SGCD: variants seen among roughly 807,000 people sequenced by gnomAD.
SGCD encodes the protein delta-sarcoglycan.
A neutral mutation model predicts 36.6 loss-of-function variants in SGCD; 18 were observed. The ratio of observed to expected loss-of-function variants is 0.49; its 90% CI spans 0.34 to 0.73. SGCD has a LOEUF of 0.73. Among genes scored for constraint, SGCD ranks in the 30% least tolerant of loss-of-function variants. The probability of loss-of-function intolerance (pLI) is 0.01; values close to 1 mark genes in which losing one functional copy is unlikely to be tolerated. For missense variants in SGCD, 387 were observed against 346.7 expected (o/e 1.12, Z -0.92); for synonymous variants, 133 against 130.6 (o/e 1.02, Z -0.12).
chr5:156,304,527 C>T (rs1420819403), intron 3 of SGCD, among the ~76,000 whole-genome samples: 1 of 152,172 alleles, frequency 6.6e-6, no homozygotes, highest in Non-Finnish European at 1.5e-5. Context: ...TCCATTAAAC[C>T]TTTTTGTTTT....
chr5:156,347,246 A>T (rs1045198032), intron 3 of SGCD, among the ~76,000 whole-genome samples: 1 of 152,170 alleles, frequency 6.6e-6, no homozygotes, highest in Non-Finnish European at 1.5e-5. Context: ...GCTCTGGAGG[A>T]TGCCTTGGGT....
intron 3 of SGCD, among the ~76,000 whole-genome samples, chr5:156,132,181 T>C (rs2436423): frequency 0.3 from 45,596 of 151,888 alleles, 7,481 homozygotes; most frequent in Non-Finnish European, 0.37. Context: ...GGTGGGGAGA[T>C]GGGTGACTTG....
intron 1 of SGCD, among the ~76,000 whole-genome samples, chr5:155,951,588 A>G (rs1757549977): frequency 6.6e-6 from 1 of 152,196 alleles, no homozygotes; most frequent in Admixed American, 6.5e-5. Flanking sequence ...AGGTGTGCTC[A>G]TGTGAAAATT....
At chr5:156,567,408 AGATAGATAGATAGATAGATAGATG>A (rs1407126499) in intron 4 of SGCD, among the ~76,000 whole-genome samples, 1 of 148,352 alleles carries the variant, frequency 6.7e-6, no homozygotes, top group Non-Finnish European at 1.5e-5. Flanking sequence ...ATAGATAGAT[AGATAGATAGATAGATAGATAGATG>A]GTAGCTCATG....
At chr5:155,838,467 T>A in the SGCD span, among the ~76,000 whole-genome samples, 1 of 152,116 alleles carries the variant, frequency 6.6e-6, no homozygotes, top group African/African-American at 2.4e-5. Context: ...TGATGATATA[T>A]TTTGCCCCCG....
intron 4 of SGCD, among the ~76,000 whole-genome samples, chr5:156,526,388 G>A (rs896600436): frequency 5.9e-5 from 9 of 152,152 alleles, no homozygotes; most frequent in African/African-American, 1.7e-4. Flanking sequence ...TGAAGGCTAT[G>A]ATGGCTTCTC....
chr5:156,118,558 C>A (rs892538926), intron 2 of SGCD, among the ~76,000 whole-genome samples: 7 of 152,214 alleles, frequency 4.6e-5, no homozygotes, highest in South Asian at 4.1e-4. Context: ...CAGCAAAGCC[C>A]AACCCATGTT....
intron 3 of SGCD, among the ~76,000 whole-genome samples, chr5:156,424,414 C>T (rs143364332): frequency 1.4e-3 from 216 of 152,108 alleles, no homozygotes; most frequent in African/African-American, 4.8e-3. Context: ...TGAATGTCCT[C>T]GTTCATAAAC....
Position 155,909,316 on chromosome 5 carries a change from C to T in SGCD, c.-282+38892C>T, listed in dbSNP as rs114537362. ...TAGTTGGTTTGCTTAATAAATATTT[C>T]GAAGATGGAAAATATGCATTTTCTA... On this transcript the variant is annotated intron_variant, in intron 1 of 9. Transcript: ENST00000517913. Among the ~76,000 whole-genome samples the T allele has an allele frequency of 3.6e-3, 542 of 152,138 alleles. 2 individuals carry two copies. Among genetic ancestry groups the T allele is most frequent in the African/African-American group, 0.012 (505 of 41,526 alleles).
chr5:155,961,432 G>A (rs143773986), intron 1 of SGCD, among the ~76,000 whole-genome samples: 1 of 152,192 alleles, frequency 6.6e-6, no homozygotes, highest in East Asian at 1.9e-4. Flanking sequence ...AATTTTAAAT[G>A]TCTCATGAAA....
chr5:155,877,468 T>C (rs1374125066), intron 1 of SGCD, among the ~76,000 whole-genome samples: 2 of 152,142 alleles, frequency 1.3e-5, no homozygotes, highest in African/African-American at 4.8e-5. Context: ...TCCCTGTGCC[T>C]CATTTTCCTC....
At chr5:156,539,490 A>T (rs1479837538) in intron 4 of SGCD, among the ~76,000 whole-genome samples, 1 of 151,950 alleles carries the variant, frequency 6.6e-6, no homozygotes, top group East Asian at 1.9e-4. Flanking sequence ...GCTCCCACTT[A>T]TAAGTGAGGA....
At chr5:155,797,385 A>G in the SGCD span, among the ~76,000 whole-genome samples, 1 of 152,378 alleles carries the variant, frequency 6.6e-6, no homozygotes, top group South Asian at 2.1e-4. Flanking sequence ...AAGGCTGAGA[A>G]CCTAGGTATT....
the SGCD span, among the ~76,000 whole-genome samples, chr5:155,770,922 G>A: frequency 2.6e-5 from 4 of 152,034 alleles, no homozygotes; most frequent in South Asian, 2.1e-4. Flanking sequence ...AAAAACAGAC[G>A]TGATCTCTCT....
intron 6 of SGCD, among the ~76,000 whole-genome samples, chr5:156,608,777 T>G (rs1034686494): frequency 6.6e-6 from 1 of 152,194 alleles, no homozygotes; most frequent in Non-Finnish European, 1.5e-5. Context: ...CTTGTTGAAT[T>G]GATCCCTTTA....
rs143925216 is a variant in SGCD at position 156,578,703 on chromosome 5, G to A, written c.295-10528G>A. 3.4e-3 allele frequency among the ~76,000 whole-genome samples: 520 copies of A among 152,320 alleles called. 2 individuals are homozygous for A. The highest frequency in any genetic ancestry group is 0.012 in the African/African-American group (481 of 41,572). On this transcript the variant is annotated intron_variant, in intron 4 of 8. Coordinates refer to ENST00000337851, the MANE Select transcript of SGCD (RefSeq NM_000337.6). The stretch of plus-strand genomic sequence containing the variant: ...CTAGATTTTCTGGTTTATTTGTGTA[G>A]AAGTGTTTATAGTATTCTCTGATGG...
intron 4 of SGCD, among the ~76,000 whole-genome samples, chr5:156,556,234 A>G (rs1759016590): frequency 6.6e-6 from 1 of 151,984 alleles, no homozygotes; most frequent in Non-Finnish European, 1.5e-5. Context: ...GTTCCCTATT[A>G]GAGCAGAGAA....
intron 3 of SGCD, among the ~76,000 whole-genome samples, chr5:156,287,627 T>TTG (rs70982002): frequency 0.18 from 26,872 of 146,180 alleles, 2,314 homozygotes; most frequent in East Asian, 0.27. Flanking sequence ...TTCCGTTTCT[T>TTG]TGTGTGTGTG....
At chr5:155,826,492 T>C in the SGCD span, among the ~76,000 whole-genome samples, 1 of 152,204 alleles carries the variant, frequency 6.6e-6, no homozygotes. Flanking sequence ...TGTGGCTCCA[T>C]ATCATCCACT....
Sources: gnomAD v4.1 joint callset for allele counts (sites outside exome capture counted in the v4.1 genomes callset) on GRCh38, gnomAD v4.1.1 for gene constraint, MANE v1.5 for transcripts, NCBI Gene and HGNC (gene_info 2026-07-23, HGNC 2026-07-21) for gene names.